DLG2: variants seen among roughly 807,000 people sequenced by gnomAD.
The protein encoded by DLG2 is disks large homolog 2.
Under a neutral mutation model 132.5 loss-of-function variants are expected in DLG2, and 45 were observed. That is an observed-to-expected ratio of 0.34 (90% confidence interval 0.27 to 0.44). DLG2 has a LOEUF of 0.44. Among genes scored for constraint, DLG2 ranks in the 20% least tolerant of loss-of-function variants. The probability of loss-of-function intolerance (pLI) is 1.00; values close to 1 mark genes in which losing one functional copy is unlikely to be tolerated. For synonymous variants in DLG2, 424 were observed against 419.6 expected, an observed-to-expected ratio of 1.01 and a Z score of -0.13; for missense variants, 1,045 against 1,196.9, an observed-to-expected ratio of 0.87 and a Z score of 1.87.
At chr11:84,586,896 G>T (rs951975775) in intron 6 of DLG2, among the ~76,000 whole-genome samples, 4 of 152,148 alleles carry the variant, frequency 2.6e-5, no homozygotes, top group Non-Finnish European at 4.4e-5. Flanking sequence ...CTTGAAATCT[G>T]ATTACTTCTG....
intron 7 of DLG2, among the ~76,000 whole-genome samples, chr11:84,402,616 C>T (rs1170312766): frequency 3.3e-5 from 5 of 151,844 alleles, no homozygotes; most frequent in Admixed American, 2.0e-4. Context: ...GCGGGGCTCA[C>T]GCCTGTAATT....
intron 6 of DLG2, among the ~76,000 whole-genome samples, chr11:84,968,932 T>C (rs140703095): frequency 3.3e-4 from 51 of 152,266 alleles, no homozygotes; most frequent in African/African-American, 1.1e-3. Flanking sequence ...TCATCTTTAG[T>C]TCTTTCGGAA....
Position 85,243,791 on chromosome 11 carries a change from T to C in DLG2, c.186+41429A>G, listed in dbSNP as rs145948888. Among the ~76,000 whole-genome samples the C allele has an allele frequency of 2.3e-3, 355 of 152,080 alleles. 1 individual carries two copies. The highest frequency in any genetic ancestry group is 8.2e-3 in the African/African-American group (341 of 41,528). ...AACCACCCGCCCAACCTTGAATAAC[T>C]CACTAAATATCTCTAAATATTATCC... is the stretch of plus-strand genomic sequence containing the variant. On this transcript the variant is annotated intron_variant, in intron 4 of 27. Transcript: ENST00000376104.
intron 18 of DLG2, among the ~76,000 whole-genome samples, chr11:83,717,069 G>A (rs1011529365): frequency 1.3e-5 from 2 of 152,060 alleles, no homozygotes; most frequent in African/African-American, 4.8e-5. Flanking sequence ...ACTCCTGATT[G>A]TACTAATGTT....
chr11:84,562,394 G>A (rs1392159968), intron 6 of DLG2, among the ~76,000 whole-genome samples: 1 of 152,146 alleles, frequency 6.6e-6, no homozygotes, highest in African/African-American at 2.4e-5. Context: ...ATTCAAAGGA[G>A]GAGTCCAATT....
At chr11:84,394,374 C>G (rs2098803816) in intron 7 of DLG2, among the ~76,000 whole-genome samples, 1 of 149,916 alleles carries the variant, frequency 6.7e-6, no homozygotes, top group South Asian at 2.1e-4. Flanking sequence ...CTTTATTTAG[C>G]CTTCATTTTT....
chr11:84,242,085 G>A (rs754330416), intron 8 of DLG2, among the ~76,000 whole-genome samples: 3 of 152,162 alleles, frequency 2.0e-5, no homozygotes, highest in African/African-American at 4.8e-5. Context: ...CTCTGTCCAG[G>A]TAGGTAAGGC....
chr11:84,070,463 C>T (rs979878903), intron 10 of DLG2, among the ~76,000 whole-genome samples: 3 of 152,168 alleles, frequency 2.0e-5, no homozygotes, highest in African/African-American at 7.2e-5. Flanking sequence ...TATTTGTTAC[C>T]TGCATAGAAC....
intron 7 of DLG2, among the ~76,000 whole-genome samples, chr11:84,337,170 C>T (rs10898225): frequency 0.12 from 17,918 of 152,112 alleles, 1,133 homozygotes; most frequent in East Asian, 0.16. Context: ...TTATGGGCTA[C>T]GGGTAGATGC....
intron 11 of DLG2, among the ~76,000 whole-genome samples, chr11:84,031,492 C>T (rs914796996): frequency 1.3e-5 from 2 of 151,946 alleles, no homozygotes; most frequent in Admixed American, 1.3e-4. Context: ...GAATTAATTC[C>T]TAGAGGGGTT....
intron 21 of DLG2, among the ~76,000 whole-genome samples, chr11:83,513,861 G>C (rs2095169770): frequency 6.6e-6 from 1 of 152,144 alleles, no homozygotes; most frequent in Non-Finnish European, 1.5e-5. Flanking sequence ...TTATTTCTGA[G>C]GGCTCTGTTC....
intron 6 of DLG2, among the ~76,000 whole-genome samples, chr11:84,995,514 C>T (rs577206556): frequency 1.1e-4 from 16 of 152,268 alleles, no homozygotes; most frequent in Non-Finnish European, 1.9e-4. Flanking sequence ...AAACACATGC[C>T]GTGGCCTTGC....
At chr11:84,648,677 T>G (rs941320177) in intron 6 of DLG2, among the ~76,000 whole-genome samples, 7 of 151,986 alleles carry the variant, frequency 4.6e-5, no homozygotes, top group African/African-American at 1.7e-4. Context: ...AACTGGTTAT[T>G]GAAAAGAGCT....
chr11:83,970,410 G>A (rs180716659), intron 12 of DLG2, among the ~76,000 whole-genome samples: 1 of 152,126 alleles, frequency 6.6e-6, no homozygotes, highest in Admixed American at 6.6e-5. Flanking sequence ...GAGGATACTG[G>A]GGAGAATAAT....
intron 7 of DLG2, among the ~76,000 whole-genome samples, chr11:84,443,902 T>A (rs1056222017): frequency 3.9e-5 from 6 of 152,146 alleles, no homozygotes; most frequent in African/African-American, 1.4e-4. Flanking sequence ...TTTTCAGTGT[T>A]TTATGTTTAC....
intron 6 of DLG2, chr11:84,720,997 C>T (rs2061768679): frequency 6.6e-6 from 1 of 152,266 alleles, no homozygotes; most frequent in Non-Finnish European, 1.5e-5. Flanking sequence ...GCCAGACTGG[C>T]CCTGCCTTTG....
chr11:84,447,418 A>G (rs2099038541), intron 7 of DLG2, among the ~76,000 whole-genome samples: 1 of 152,198 alleles, frequency 6.6e-6, no homozygotes, highest in South Asian at 2.1e-4. Context: ...AGAAGCCGAA[A>G]AGAATGATTT....
intron 6 of DLG2, among the ~76,000 whole-genome samples, chr11:84,680,151 C>G (rs1258383054): frequency 6.6e-6 from 1 of 152,140 alleles, no homozygotes; most frequent in Admixed American, 6.6e-5. Context: ...GTCTTTGCCT[C>G]TGTTCAAACC....
intron 4 of DLG2, among the ~76,000 whole-genome samples, chr11:85,279,250 T>C (rs1391341440): frequency 1.3e-5 from 2 of 152,176 alleles, no homozygotes; most frequent in Non-Finnish European, 1.5e-5. Flanking sequence ...TGAGTTTCAC[T>C]TTACATAGCA....
Sources: gnomAD v4.1 joint callset for allele counts (sites outside exome capture counted in the v4.1 genomes callset) on GRCh38, gnomAD v4.1.1 for gene constraint, MANE v1.5 for transcripts, NCBI Gene and HGNC (gene_info 2026-07-23, HGNC 2026-07-21) for gene names.